Variants in LTBP3 observed in about 807,000 individuals in gnomAD.
LTBP3 encodes the protein latent transforming growth factor beta binding protein 3.
Under a neutral mutation model 159.7 loss-of-function variants are expected in LTBP3, and 97 were observed. The observed-to-expected ratio is 0.61, with a 90% CI of 0.52 to 0.72. The LOEUF is 0.72. LTBP3 is among the 30% of genes least tolerant of loss of function. LTBP3 has a pLI of 0.00. For missense variants in LTBP3, 1,584 were observed against 1,864.3 expected, an observed-to-expected ratio of 0.85 and a Z score of 2.77; for synonymous variants, 824 against 777.1, an observed-to-expected ratio of 1.06 and a Z score of -1.00.
Position 65,538,670 on chromosome 11 carries a change from T to C in LTBP3, c.*410A>G. 1 of 1,323,178 alleles carries C rather than the reference T, an allele frequency of 7.6e-7. No homozygotes were observed. Among genetic ancestry groups the C allele is most frequent in the East Asian group, 2.5e-5 (1 of 40,010 alleles). The allele number at this position is 1,323,178 out of a possible 1,614,324, so 82.0% of individuals were successfully genotyped here. A position where few individuals can be genotyped will look rare whatever the true frequency, so the allele number is the denominator to read the frequency against. ...CGGCCCAGCCAGGCCATCTCACGTG[T>C]ACATAATCAGAGCCACAATAAATTC... On this transcript the variant is annotated 3_prime_UTR_variant, in exon 28 of 28. Transcript: ENST00000301873.
In LTBP3 at chr11:65,540,076, A is replaced by G; in HGVS notation, c.3322T>C (p.Cys1108Arg). Residue 1108 changes from cysteine (C) to arginine (R), a missense_variant, in exon 24 of 28, where the codon TGT (cysteine) becomes CGT (arginine). Cys to Arg is a radical substitution (Grantham distance 180, BLOSUM62 -3). Around this residue, in one of 6 missense-constraint regions of LTBP3, gnomAD observed 514 missense variants for 530.3 expected, o/e 0.97. Coordinates refer to ENST00000301873, the MANE Select transcript of LTBP3 (RefSeq NM_001130144.3). ...VNLPGSYRCECRPPWVPGPSG... is the reference protein window; with the variant it reads ...VNLPGSYRCERRPPWVPGPSG... ...GGCCCGGGCACCCAGGGCGGGCGAC[A>G]CTCGCAGCGGTAGGAGCCCGGCAGG... The G allele has an allele frequency of 6.6e-7, 1 of 1,524,418 alleles. No individual in the cohort carries two copies. The allele number at this position is 1,524,418 out of a possible 1,614,324, so 94.4% of individuals were successfully genotyped here. A position where few individuals can be genotyped will look rare whatever the true frequency, so the allele number is the denominator to read the frequency against.
rs779871744 is a variant in LTBP3 at position 65,539,073 on chromosome 11, G to GGCGGCGTCA, written c.3910_*6dup. The GGCGGCGTCA allele has an allele frequency of 2.6e-5, 36 of 1,376,616 alleles. No individual in the cohort carries two copies. Among genetic ancestry groups the GGCGGCGTCA allele is most frequent in the East Asian group, 1.8e-4 (6 of 32,696 alleles). 85.3% of individuals were successfully genotyped at this position (1,376,616 alleles called of 1,614,324 possible). A position where few individuals can be genotyped will look rare whatever the true frequency, so the allele number is the denominator to read the frequency against. On this transcript the variant is annotated 3_prime_UTR_variant, in exon 28 of 28. Coordinates refer to ENST00000301873, the MANE Select transcript of LTBP3 (RefSeq NM_001130144.3). ...CGAGGTCTGGGCCGAGGGCGGCGTC[G>GGCGGCGTCA]GCGGCGTCAGCGGCGGCGCTGGGGA...
chr11:65,554,990 A>G lies in LTBP3; in HGVS notation c.332-610T>C, dbSNP rs569177567. Among the ~76,000 whole-genome samples the G allele has an allele frequency of 5.2e-4, 79 of 152,170 alleles. No homozygotes were observed. The highest frequency in any genetic ancestry group is 1.9e-3 in the African/African-American group (78 of 41,508). Reference sequence around the variant, plus strand: ...AGGGCTCTCTCAGGCACCTCTGCCCAGGACATACTGTCAGAAGTCAGCATC... The same window carrying G: ...AGGGCTCTCTCAGGCACCTCTGCCCGGGACATACTGTCAGAAGTCAGCATC... On this transcript the variant is annotated intron_variant, in intron 1 of 27. Coordinates refer to ENST00000301873, the MANE Select transcript of LTBP3 (RefSeq NM_001130144.3). The surrounding 1 kb of genome is among the most constrained non-coding windows in gnomAD (Gnocchi z 5.3).
At chr11:65,540,726 G>GGGGCCTACAGGAGGGGCA in intron 21 of LTBP3, 112 bp from the exon 22 acceptor site, 6 of 1,542,956 alleles carry the variant, frequency 3.9e-6, no homozygotes, top group Non-Finnish European at 5.3e-6. Flanking sequence ...CAGGAGGGGC[G>GGGGCCTACAGGAGGGGCA]GGGCCTACAG....
In LTBP3 at chr11:65,552,736, A is replaced by C. The variant is rs1395028216; in HGVS notation, c.1186+124T>G. 13 of 1,411,224 alleles carry C rather than the reference A, an allele frequency of 9.2e-6. No individual in the cohort carries two copies. Among genetic ancestry groups the C allele is most frequent in the Non-Finnish European group, 1.3e-5 (13 of 1,003,730 alleles). 87.4% of individuals were successfully genotyped at this position (1,411,224 alleles called of 1,614,324 possible). On this transcript the variant is annotated intron_variant, in intron 6 of 27. Transcript: ENST00000301873. The surrounding 1 kb of genome is among the most constrained non-coding windows in gnomAD (Gnocchi z 6.0). ...CCGGACCCTGCTGATCCCTGATCCT[A>C]TTGGCTCTGGGCCTTGTTCCTCCTG...
At chr11:65,540,194 G>A in intron 23 of LTBP3, 41 bp from the exon 24 acceptor site, 2 of 1,542,112 alleles carry the variant, frequency 1.3e-6, no homozygotes, top group Middle Eastern at 1.7e-4. Flanking sequence ...GTCACAGCTC[G>A]GCCCGGGCCC....
rs777159634 is a variant in LTBP3, at chr11:65,539,668, G to GGGCCCT, written c.3547+46_3548-41dup. On this transcript the variant is annotated intron_variant, in intron 25 of 27. Coordinates refer to ENST00000301873, the MANE Select transcript of LTBP3 (RefSeq NM_001130144.3). ...ACTGGTCAGCGACGTCCGGGTCCCC[G>GGGCCCT]GGCCCTGGCCCCCATCCTCGCTCCC... 6.9e-6 allele frequency: 11 copies of GGGCCCT among 1,586,234 alleles called. No homozygotes were observed. The South Asian group carries it at 1.2e-4, about 18-fold the overall frequency.
chr11:65,540,179 G>T, intron 23 of LTBP3, 26 bp from the exon 24 acceptor site: 1 of 1,537,956 alleles, frequency 6.5e-7, no homozygotes, highest in Non-Finnish European at 8.7e-7. Flanking sequence ...GGGTGGGTGG[G>T]GGCCGTCACA....
chr11:65,538,922 G>T lies in LTBP3; in HGVS notation c.*158C>A. The T allele has an allele frequency of 4.7e-6, 6 of 1,277,922 alleles. No homozygotes were observed. The highest frequency in any genetic ancestry group is 6.0e-6 in the Non-Finnish European group (6 of 1,000,344). 79.2% of individuals were successfully genotyped at this position (1,277,922 alleles called of 1,614,324 possible). A position where few individuals can be genotyped will look rare whatever the true frequency, so the allele number is the denominator to read the frequency against. ...ACAACCGCCCGCTAACCGGGGAGGGGGGCCGGTAGGGGCGCCTCGGGTCTC... is the reference window on the plus strand; with the variant it reads ...ACAACCGCCCGCTAACCGGGGAGGGTGGCCGGTAGGGGCGCCTCGGGTCTC... On this transcript the variant is annotated 3_prime_UTR_variant, in exon 28 of 28. Transcript: ENST00000301873.
Position 65,552,439 on chromosome 11 carries a change from A to T in LTBP3, c.1187-33T>A. On this transcript the variant is annotated intron_variant, in intron 6 of 27. Transcript: ENST00000301873. This position sits in a 1 kb window ranked among gnomAD's most constrained non-coding sequence, Gnocchi z 6.0. ...GGCCAGTGGGGGGCATGGGCATCTG[A>T]GCCTGCACATTGCCCACGTCCCTCT... 6.2e-7 allele frequency: 1 copy of T among 1,608,752 alleles called. No individual in the cohort carries two copies. Among genetic ancestry groups the T allele is most frequent in the Non-Finnish European group, 8.5e-7 (1 of 1,179,650 alleles).
intron 16 of LTBP3, chr11:65,545,660 C>T (rs549002752): frequency 1.7e-5 from 4 of 229,346 alleles, no homozygotes; most frequent in Non-Finnish European, 2.6e-5. Flanking sequence ...CCACTGTCTC[C>T]GCCCTAAGTC....
chr11:65,556,354 T>G (rs1254797489), intron 1 of LTBP3, among the ~76,000 whole-genome samples: 2 of 151,990 alleles, frequency 1.3e-5, no homozygotes, highest in African/African-American at 4.8e-5. Context: ...ATGGTGAAAC[T>G]CCATCTCTAC....
At position 65,540,929 on chromosome 11, in the gene LTBP3, G is replaced by A. The variant is rs145041278; in HGVS notation, c.2919C>T (p.Asp973=). 2 of 1,613,588 alleles carry A rather than the reference G, an allele frequency of 1.2e-6. No homozygotes were observed. Among genetic ancestry groups the A allele is most frequent in the East Asian group, 2.2e-5 (1 of 44,858 alleles). Residue 973 remains aspartate (D), a synonymous_variant, in exon 21 of 28, where the codon GAC becomes GAT. Coordinates refer to ENST00000301873, the MANE Select transcript of LTBP3 (RefSeq NM_001130144.3). The stretch of plus-strand genomic sequence containing the variant: ...TGTTGTCCTGGGTGTAGCCCTTTCC[G>A]TCTGGGCAGAGGCTGTGGAACTCGG... The part of the protein sequence containing the change: ...SSAEFHSLCP[D]GKGYTQDNNI...
rs145060640 is a variant in LTBP3, at chr11:65,551,201, G to A, written c.1645C>T (p.Pro549Ser). The change falls in exon 11 of 28, where the codon CCG becomes TCG. Residue 549 changes from proline (P) to serine (S), a missense_variant. By Grantham distance (74) the Pro-to-Ser change is moderately conservative. Transcript: ENST00000301873. ...TCCGGCAGGAACCAGCGCATGGTCG[G>A]GGGCGAGGGACGGGAGATCAGCTCT... Reference protein sequence around the residue: ...YPELISRPSPPTMRWFLPDLP... With the variant: ...YPELISRPSPSTMRWFLPDLP... 1 of 1,549,686 alleles carries A rather than the reference G, an allele frequency of 6.5e-7. No individual in the cohort carries two copies. Among genetic ancestry groups the A allele is most frequent in the Non-Finnish European group, 8.7e-7 (1 of 1,147,758 alleles).
chr11:65,539,763 G>A lies in LTBP3; in HGVS notation c.3504C>T (p.Arg1168=), dbSNP rs748664824. 1.5e-5 allele frequency: 23 copies of A among 1,543,986 alleles called. No homozygotes were observed. Among genetic ancestry groups the A allele is most frequent in the Non-Finnish European group, 1.9e-5 (22 of 1,152,112 alleles). ...ACGGTCGGCATTGGGCGCCCCAGCC[G>A]CGGCCCTGGCGGCAGCAGCAGTCGT... The part of the protein sequence containing the change: ...TFDDCCCRQG[R]GWGAQCRPCP... Residue 1168 remains arginine (R), a synonymous_variant, in exon 25 of 28, where the codon CGC becomes CGT. Coordinates refer to ENST00000301873, the MANE Select transcript of LTBP3 (RefSeq NM_001130144.3).
In LTBP3 at chr11:65,554,273, C is replaced by T. The variant is rs771952262; in HGVS notation, c.439G>A (p.Ala147Thr). 22 of 1,610,772 alleles carry T rather than the reference C, an allele frequency of 1.4e-5. No homozygotes were observed. The highest frequency in any genetic ancestry group is 1.8e-5 in the Non-Finnish European group (21 of 1,179,316). Residue 147 changes from alanine (A) to threonine (T), a missense_variant, in exon 2 of 28, where the codon GCC becomes ACC. Ala to Thr is a moderately conservative substitution (Grantham distance 58, BLOSUM62 0). Transcript: ENST00000301873. The surrounding 1 kb of genome is among the most constrained non-coding windows in gnomAD (Gnocchi z 5.3). ...GRFCQVPAGG[A>T]GGGTGGSGPG... is the part of the protein sequence containing the mutation. ...CCTGAGCCGCCGGTACCCCCACCGG[C>T]TCCTCCTGCGGGCACCTGGCAGAAG...
At position 65,557,963 on chromosome 11, in the gene LTBP3, G is replaced by A. The variant is rs1420941847; in HGVS notation, c.-4C>T. 11 of 1,154,498 alleles carry A rather than the reference G, an allele frequency of 9.5e-6. No individual in the cohort carries two copies. The highest frequency in any genetic ancestry group is 1.6e-5 in the African/African-American group (1 of 61,104). 71.5% of individuals were successfully genotyped at this position (1,154,498 alleles called of 1,614,324 possible). On this transcript the variant is annotated 5_prime_UTR_variant, in exon 1 of 28. Coordinates refer to ENST00000301873, the MANE Select transcript of LTBP3 (RefSeq NM_001130144.3). The stretch of plus-strand genomic sequence containing the variant: ...CAGCCCCTCGGGGCCCGGGCATCCG[G>A]GGCCGCAGGACCCGGGGGAGGGGGG...
chr11:65,550,749 G>A (rs570109373), intron 11 of LTBP3, among the ~76,000 whole-genome samples: 9 of 152,030 alleles, frequency 5.9e-5, no homozygotes, highest in East Asian at 1.9e-4. Flanking sequence ...GCTTGAACCC[G>A]GGAGGCGGAG....
Position 65,552,505 on chromosome 11 carries a change from C to T in LTBP3, c.1187-99G>A, listed in dbSNP as rs1856648844. 2 of 1,451,828 alleles carry T rather than the reference C, an allele frequency of 1.4e-6. No individual in the cohort carries two copies. The highest frequency in any genetic ancestry group is 3.7e-5 in the Admixed American group (2 of 54,620). The allele number at this position is 1,451,828 out of a possible 1,614,324, so 89.9% of individuals were successfully genotyped here. ...ACCTTGCCTCTCCGGCCCAGACAACCCTTGATCCCCCATGTGGTCTCTGAC... is the reference window on the plus strand; with the variant it reads ...ACCTTGCCTCTCCGGCCCAGACAACTCTTGATCCCCCATGTGGTCTCTGAC... On this transcript the variant is annotated intron_variant, in intron 6 of 27. Transcript: ENST00000301873. The surrounding 1 kb of genome is among the most constrained non-coding windows in gnomAD (Gnocchi z 6.0).
Sources: gnomAD v4.1 joint callset for allele counts (sites outside exome capture counted in the v4.1 genomes callset) on GRCh38, gnomAD v4.1.1 for gene constraint, gnomAD v4.1.1 regional missense constraint, Gnocchi (gnomAD v3.1) non-coding constraint, MANE v1.5 for transcripts, NCBI Gene and HGNC (gene_info 2026-07-23, HGNC 2026-07-21) for gene names.